LPP: variants seen among roughly 807,000 people sequenced by gnomAD.
LPP encodes LIM domain containing preferred translocation partner in lipoma, also known as lipoma-preferred partner.
LPP carries 38 observed loss-of-function variants against 60.4 expected under a neutral mutation model. The observed-to-expected ratio is 0.63, with a 90% CI of 0.49 to 0.83. The LOEUF (loss-of-function observed/expected upper bound fraction) is 0.83, where lower values mean the gene tolerates loss of function less well. Ranked by LOEUF, LPP falls within the 40% of genes least tolerant of loss-of-function variation. LPP has a pLI of 0.00. For missense variants in LPP, 902 were observed against 783.6 expected (o/e 1.15, Z -1.80); for synonymous variants, 328 against 290.8 (o/e 1.13, Z -1.30).
chr3:188,709,693 G>C (rs1866223046), intron 8 of LPP: 1 of 152,206 alleles, frequency 6.6e-6, no homozygotes, highest in Non-Finnish European at 1.5e-5. Flanking sequence ...GGAGCATCCG[G>C]AATACTTTGG....
chr3:188,811,370 A>ACACACACG (rs879845981), intron 9 of LPP, among the ~76,000 whole-genome samples: 3,427 of 151,744 alleles, frequency 0.023, 43 homozygotes, highest in South Asian at 0.037. Context: ...ACACACACAC[A>ACACACACG]CACACACACA....
At chr3:188,535,527 G>A (rs184577688) in intron 6 of LPP, among the ~76,000 whole-genome samples, 237 of 152,288 alleles carry the variant, frequency 1.6e-3, no homozygotes, top group Non-Finnish European at 2.6e-3. Flanking sequence ...TAGATATAGA[G>A]TTAGCACATG....
intron 10 of LPP, among the ~76,000 whole-genome samples, chr3:188,867,673 A>G (rs927074899): frequency 1.1e-4 from 16 of 152,316 alleles, no homozygotes; most frequent in African/African-American, 3.6e-4. Flanking sequence ...TAAGAACTGT[A>G]CTAAACCTAT....
At chr3:188,695,535 A>G (rs1240217977) in intron 7 of LPP, among the ~76,000 whole-genome samples, 3 of 152,180 alleles carry the variant, frequency 2.0e-5, no homozygotes, top group African/African-American at 4.8e-5. Flanking sequence ...AGCACATGCC[A>G]TGTGTCTTCT....
intron 3 of LPP, among the ~76,000 whole-genome samples, chr3:188,393,746 A>G (rs971429142): frequency 2.0e-5 from 3 of 152,218 alleles, no homozygotes; most frequent in Non-Finnish European, 4.4e-5. Flanking sequence ...TCTCTTTTAT[A>G]TAACAATCAC....
At chr3:188,672,116 C>A (rs1258279746) in intron 7 of LPP, among the ~76,000 whole-genome samples, 2 of 152,128 alleles carry the variant, frequency 1.3e-5, no homozygotes, top group South Asian at 2.1e-4. Flanking sequence ...CAAGTCTGAA[C>A]TGACTGCGTA....
At chr3:188,255,666 A>T (rs1051017739) in intron 2 of LPP, among the ~76,000 whole-genome samples, 1 of 152,204 alleles carries the variant, frequency 6.6e-6, no homozygotes, top group African/African-American at 2.4e-5. Flanking sequence ...TGTAATGAAA[A>T]TTCTGGTTTT....
intron 8 of LPP, among the ~76,000 whole-genome samples, chr3:188,735,027 G>C (rs1722001684): frequency 6.6e-6 from 1 of 152,170 alleles, no homozygotes; most frequent in African/African-American, 2.4e-5. Context: ...CGTCGTTGTT[G>C]ATCATAAGCA....
chr3:188,381,232 TAA>T lies in LPP; in HGVS notation c.-9-24878_-9-24877del, dbSNP rs542078667. 2.4e-4 allele frequency among the ~76,000 whole-genome samples: 37 copies of T among 152,354 alleles called. No homozygotes were observed. The East Asian group carries it at 7.1e-3, about 29-fold the overall frequency. On this transcript the variant is annotated intron_variant, in intron 3 of 11. Transcript: ENST00000617246. Reference sequence around the variant, plus strand: ...TTATGAGGCTTTAACACATAATTTCTAAATTTAATTTAAAATGCTCCTTTTTG... The same window carrying T: ...TTATGAGGCTTTAACACATAATTTCTATTTAATTTAAAATGCTCCTTTTTG...
intron 7 of LPP, among the ~76,000 whole-genome samples, chr3:188,687,775 C>CTTTTTTTTTTTTTTTTT (rs61574227): frequency 9.4e-5 from 12 of 127,142 alleles, no homozygotes; most frequent in Non-Finnish European, 9.8e-5. Context: ...GTCTTATACT[C>CTTTTTTTTTTTTTTTTT]TTTTTTTTTT....
At chr3:188,525,021 C>T (rs1450805001) in intron 6 of LPP, among the ~76,000 whole-genome samples, 3 of 143,938 alleles carry the variant, frequency 2.1e-5, no homozygotes, top group Non-Finnish European at 4.5e-5. Flanking sequence ...GGCCGGAGTG[C>T]AATGGCACAA....
At chr3:188,470,781 A>C (rs1487029470) in intron 4 of LPP, among the ~76,000 whole-genome samples, 1 of 152,170 alleles carries the variant, frequency 6.6e-6, no homozygotes, top group East Asian at 1.9e-4. Flanking sequence ...GTGTCCAGGA[A>C]GCCAGAGGAA....
chr3:188,550,090 T>C (rs1300668052), intron 6 of LPP, among the ~76,000 whole-genome samples: 2 of 152,234 alleles, frequency 1.3e-5, no homozygotes, highest in Non-Finnish European at 2.9e-5. Context: ...AAGAGGATGC[T>C]GTTTTTGTAT....
At chr3:188,202,056 C>T (rs528137247) in intron 1 of LPP, among the ~76,000 whole-genome samples, 4 of 151,676 alleles carry the variant, frequency 2.6e-5, no homozygotes, top group East Asian at 1.9e-4. Context: ...GCTTCGGTCC[C>T]GGTTGTGGAG....
Position 188,888,472 on chromosome 3 carries a change from C to G in LPP, c.*13993C>G, listed in dbSNP as rs1770924322. The G allele has an allele frequency of 4.4e-6, 1 of 227,896 alleles. No homozygotes were observed. The highest frequency in any genetic ancestry group is 2.2e-5 in the African/African-American group (1 of 45,038). 14.1% of individuals were successfully genotyped at this position (227,896 alleles called of 1,614,324 possible). ...AGTTAAGTTGGCAAGACTTCCCCAG[C>G]TCTGAATATAGCCATTTGCCGACTC... On this transcript the variant is annotated 3_prime_UTR_variant, in exon 12 of 12. Transcript: ENST00000617246.
intron 9 of LPP, among the ~76,000 whole-genome samples, chr3:188,804,284 A>T (rs989272953): frequency 1.8e-4 from 7 of 39,888 alleles, no homozygotes; most frequent in Admixed American, 3.6e-4. Flanking sequence ...TATATATATA[A>T]AATGGAATAC....
intron 2 of LPP, among the ~76,000 whole-genome samples, chr3:188,335,804 T>C (rs1406399971): frequency 1.3e-5 from 2 of 152,190 alleles, no homozygotes; most frequent in African/African-American, 4.8e-5. Context: ...TCATATTTCT[T>C]GTGTCAGTGA....
At chr3:188,204,242 A>G (rs1473502654) in intron 1 of LPP, among the ~76,000 whole-genome samples, 3 of 152,082 alleles carry the variant, frequency 2.0e-5, no homozygotes, top group Non-Finnish European at 4.4e-5. Flanking sequence ...TCTTGTAGCA[A>G]TATAAAGGGA....
chr3:188,580,977 G>A (rs1426465687), intron 6 of LPP, among the ~76,000 whole-genome samples: 2 of 151,956 alleles, frequency 1.3e-5, no homozygotes, highest in Non-Finnish European at 2.9e-5. Flanking sequence ...GCTCAACCAG[G>A]TTATCTAGTG....
Sources: allele counts gnomAD v4.1 joint callset (sites outside exome capture counted in the v4.1 genomes callset), GRCh38; gene constraint gnomAD v4.1.1; transcripts MANE v1.5; gene names NCBI Gene and HGNC (gene_info 2026-07-23, HGNC 2026-07-21).